TAF3: variants seen among roughly 807,000 people sequenced by gnomAD.
The protein encoded by TAF3 is transcription initiation factor TFIID subunit 3.
A neutral mutation model predicts 80.6 loss-of-function variants in TAF3; 7 were observed. The ratio of observed to expected loss-of-function variants is 0.09; its 90% confidence interval spans 0.05 to 0.16. TAF3 has a LOEUF of 0.16. TAF3 is among the 10% of genes least tolerant of loss of function. TAF3 has a pLI of 1.00. For missense variants in TAF3, 921 were observed against 1,140.2 expected (o/e 0.81, Z 2.77); for synonymous variants, 444 against 446.1 (o/e 1.00, Z 0.06).
intron 2 of TAF3, among the ~76,000 whole-genome samples, chr10:7,872,699 A>G (rs768740219): frequency 1.9e-4 from 29 of 152,236 alleles, no homozygotes; most frequent in Non-Finnish European, 3.8e-4. Context: ...ACTGCTTAAG[A>G]AAGCCACTGA....
chr10:7,951,440 C>G (rs140159711), intron 2 of TAF3, among the ~76,000 whole-genome samples: 110 of 152,308 alleles, frequency 7.2e-4, no homozygotes, highest in Middle Eastern at 3.4e-3. Context: ...CCACACACTT[C>G]ATCACCCCGC....
At chr10:7,950,387 T>C (rs1429185851) in intron 2 of TAF3, among the ~76,000 whole-genome samples, 2 of 151,812 alleles carry the variant, frequency 1.3e-5, no homozygotes, top group Admixed American at 1.3e-4. Context: ...GGAGAATAAT[T>C]GTGTGTCTCG....
chr10:7,966,134 A>C (rs1298627937), intron 3 of TAF3, among the ~76,000 whole-genome samples: 1 of 152,234 alleles, frequency 6.6e-6, no homozygotes, highest in Non-Finnish European at 1.5e-5. Context: ...CCATGTTTCT[A>C]AAAGCATGCA....
rs367900815 is a variant in TAF3, at chr10:7,925,814, A to AG, written c.410-38106_410-38105insG. ...ACTCCATCTCAAAAAAAAAAAAAAG[A>AG]AAAGAAAAGAAAAGAAAAAGGAAGG... On this transcript the variant is annotated intron_variant, in intron 2 of 6. Transcript: ENST00000344293. 5.7e-3 allele frequency among the ~76,000 whole-genome samples: 765 copies of AG among 133,332 alleles called. 18 individuals carry two copies. Among genetic ancestry groups the AG allele is most frequent in the Middle Eastern group, 0.015 (4 of 270 alleles). The allele number at this position is 133,332 out of a possible 152,430, so 87.5% of individuals were successfully genotyped here.
chr10:7,960,029 TCCC>T (rs990763564), intron 2 of TAF3, among the ~76,000 whole-genome samples: 2 of 152,058 alleles, frequency 1.3e-5, no homozygotes, highest in Non-Finnish European at 2.9e-5. Context: ...TCCAGATTAG[TCCC>T]CAGAGTTAGA....
intron 2 of TAF3, among the ~76,000 whole-genome samples, chr10:7,895,065 A>G (rs1260153363): frequency 2.6e-5 from 4 of 152,132 alleles, no homozygotes; most frequent in Non-Finnish European, 5.9e-5. Context: ...TAGTAGAGAC[A>G]GAGTTTCACC....
At chr10:7,929,260 T>G (rs1314088456) in intron 2 of TAF3, among the ~76,000 whole-genome samples, 1 of 33,398 alleles carries the variant, frequency 3.0e-5, no homozygotes, top group Non-Finnish European at 9.0e-5. Context: ...TTTTTTGTTG[T>G]TTTTTTTTTG....
intron 2 of TAF3, among the ~76,000 whole-genome samples, chr10:7,827,103 C>T (rs1291680680): frequency 1.3e-5 from 2 of 152,190 alleles, no homozygotes; most frequent in Non-Finnish European, 2.9e-5. Flanking sequence ...AAGTCTCCCT[C>T]CACAGCAGCT....
intron 4 of TAF3, among the ~76,000 whole-genome samples, chr10:7,992,779 T>C: frequency 6.6e-6 from 1 of 152,214 alleles, no homozygotes. Flanking sequence ...TTTATTAATA[T>C]TTTCAAACAT....
chr10:7,870,177 T>G lies in TAF3; in HGVS notation c.409+45617T>G, dbSNP rs567148273. ...ACATTACTGAATAGAGGTTTAACTT[T>G]GAACTCATTCTTATGAGTAGGGAAT... On this transcript the variant is annotated intron_variant, in intron 2 of 6. Coordinates refer to ENST00000344293, the MANE Select transcript of TAF3 (RefSeq NM_031923.4). Among the ~76,000 whole-genome samples, 12 of 152,344 alleles carry G rather than the reference T, an allele frequency of 7.9e-5. No homozygotes were observed. In the South Asian group the frequency reaches 1.7e-3, roughly 21 times the overall value.
At chr10:7,883,516 T>C (rs963224940) in intron 2 of TAF3, among the ~76,000 whole-genome samples, 29 of 152,344 alleles carry the variant, frequency 1.9e-4, no homozygotes, top group African/African-American at 6.5e-4. Flanking sequence ...CATTGATAGC[T>C]ATCTGGTGGA....
intron 2 of TAF3, among the ~76,000 whole-genome samples, chr10:7,862,510 C>G (rs1370768392): frequency 1.3e-5 from 2 of 152,012 alleles, no homozygotes; most frequent in Non-Finnish European, 2.9e-5. Flanking sequence ...TTATTTTTTT[C>G]TACCTTAATT....
At chr10:7,973,790 A>G (rs959098181) in intron 3 of TAF3, among the ~76,000 whole-genome samples, 1 of 152,220 alleles carries the variant, frequency 6.6e-6, no homozygotes, top group Non-Finnish European at 1.5e-5. Flanking sequence ...AGACTGGACC[A>G]TTTGTTTTCA....
At chr10:7,981,032 A>G (rs1831720935) in intron 4 of TAF3, among the ~76,000 whole-genome samples, 1 of 152,200 alleles carries the variant, frequency 6.6e-6, no homozygotes, top group South Asian at 2.1e-4. Context: ...CTGTCAAGAA[A>G]GACTTGGCAG....
intron 2 of TAF3, among the ~76,000 whole-genome samples, chr10:7,903,382 G>A (rs572518185): frequency 1.3e-5 from 2 of 152,252 alleles, no homozygotes; most frequent in African/African-American, 4.8e-5. Context: ...AGAAGCCCCA[G>A]GCTCACTGTG....
At chr10:7,897,794 G>A (rs1218507170) in intron 2 of TAF3, among the ~76,000 whole-genome samples, 1 of 151,800 alleles carries the variant, frequency 6.6e-6, no homozygotes, top group Non-Finnish European at 1.5e-5. Context: ...CATGTAGCTG[G>A]GACCATAGGC....
intron 2 of TAF3, among the ~76,000 whole-genome samples, chr10:7,949,353 C>T (rs1283585418): frequency 1.3e-5 from 2 of 152,204 alleles, no homozygotes; most frequent in Admixed American, 6.5e-5. Flanking sequence ...TCAGCCTCTT[C>T]GACAGGATTG....
intron 4 of TAF3, among the ~76,000 whole-genome samples, chr10:8,005,760 A>G (rs1189551934): frequency 3.3e-5 from 5 of 152,238 alleles, no homozygotes; most frequent in Non-Finnish European, 5.9e-5. Flanking sequence ...CCATAAAAAT[A>G]GAGAATGCTT....
At position 7,965,036 on chromosome 10, in the gene TAF3, A is replaced by G; in HGVS notation, c.1526A>G (p.Tyr509Cys). The change falls in exon 3 of 7, where the codon TAT becomes TGT. Residue 509 changes from tyrosine (Y) to cysteine (C), a missense_variant. By Grantham distance (194) the Tyr-to-Cys change is radical. Coordinates refer to ENST00000344293, the MANE Select transcript of TAF3 (RefSeq NM_031923.4). ...PPTPEPLHKV[Y>C]EEKTKLPSSV... is the part of the protein sequence containing the mutation. The stretch of plus-strand genomic sequence containing the variant: ...ACTCCCGAACCTCTCCACAAGGTGT[A>G]TGAGGAGAAAACCAAGCTGCCTTCC... The G allele has an allele frequency of 1.2e-6, 2 of 1,614,124 alleles. No homozygotes were observed. Among genetic ancestry groups the G allele is most frequent in the Admixed American group, 1.7e-5 (1 of 60,030 alleles).
Sources: gnomAD v4.1 joint callset for allele counts (sites outside exome capture counted in the v4.1 genomes callset) on GRCh38, gnomAD v4.1.1 for gene constraint, MANE v1.5 for transcripts, NCBI Gene and HGNC (gene_info 2026-07-23, HGNC 2026-07-21) for gene names.